The following DPP10 variants were observed in gnomAD, a reference collection of about 807,000 sequenced individuals.
DPP10 encodes dipeptidyl peptidase like 10, also known as inactive dipeptidyl peptidase 10.
Under a neutral mutation model 120.9 loss-of-function variants are expected in DPP10, and 33 were observed. The ratio of observed to expected loss-of-function variants is 0.27; its 90% confidence interval spans 0.21 to 0.37. The LOEUF (loss-of-function observed/expected upper bound fraction) is 0.37, where lower values mean the gene tolerates loss of function less well. Among genes scored for constraint, DPP10 ranks in the 10% least tolerant of loss-of-function variants. DPP10 has a pLI of 1.00. For synonymous variants in DPP10, 337 were observed against 326.1 expected (o/e 1.03, Z -0.36); for missense variants, 816 against 942.8 (o/e 0.87, Z 1.76).
intron 1 of DPP10, among the ~76,000 whole-genome samples, chr2:115,171,372 AAAG>A (rs1455709854): frequency 1.4e-5 from 2 of 144,642 alleles, no homozygotes; most frequent in Non-Finnish European, 3.0e-5. Context: ...AAAAAAAAAA[AAAG>A]AAAAGAAAAG....
intron 1 of DPP10, among the ~76,000 whole-genome samples, chr2:115,201,129 A>G (rs1463952458): frequency 2.6e-5 from 4 of 152,198 alleles, no homozygotes; most frequent in Non-Finnish European, 5.9e-5. Flanking sequence ...CTGAAAGCGT[A>G]TCTTTGGTCA....
intron 5 of DPP10, among the ~76,000 whole-genome samples, chr2:115,679,924 T>G (rs758614899): frequency 6.6e-6 from 1 of 151,994 alleles, no homozygotes; most frequent in African/African-American, 2.4e-5. Flanking sequence ...CCTAGAATTC[T>G]ATACTACCTC....
intron 3 of DPP10, among the ~76,000 whole-genome samples, chr2:115,389,278 AAC>A (rs3980953): frequency 5.8e-4 from 87 of 149,718 alleles, no homozygotes; most frequent in Middle Eastern, 3.5e-3. Context: ...CACACACACA[AAC>A]ACACACACAC....
At chr2:114,526,800 C>G (rs553401488) in intron 1 of DPP10, among the ~76,000 whole-genome samples, 117 of 152,194 alleles carry the variant, frequency 7.7e-4, no homozygotes, top group Admixed American at 3.9e-3. Context: ...CCCCAAAGCC[C>G]CCATCTCCTG....
Position 115,836,379 on chromosome 2 carries a change from T to C in DPP10, c.2050+123T>C, listed in dbSNP as rs151193917. The C allele has an allele frequency of 1.0e-5, 14 of 1,395,572 alleles. No homozygotes were observed. In the South Asian group the frequency reaches 1.6e-4, roughly 16 times the overall value. 86.4% of individuals were successfully genotyped at this position (1,395,572 alleles called of 1,614,324 possible). A position where few individuals can be genotyped will look rare whatever the true frequency, so the allele number is the denominator to read the frequency against. On this transcript the variant is annotated intron_variant, in intron 22 of 25. Transcript: ENST00000410059. ...TTATTAGAGCCTGTTTTCAGCTGTTTATCTCCTCCTTGATTCAGCTGATTT... is the reference window on the plus strand; with the variant it reads ...TTATTAGAGCCTGTTTTCAGCTGTTCATCTCCTCCTTGATTCAGCTGATTT...
At chr2:114,643,933 A>ATTTT (rs1220069237) in intron 1 of DPP10, among the ~76,000 whole-genome samples, 2 of 133,836 alleles carry the variant, frequency 1.5e-5, no homozygotes, top group Non-Finnish European at 1.6e-5. Flanking sequence ...ATATATATAT[A>ATTTT]TATTTTTTTT....
intron 5 of DPP10, among the ~76,000 whole-genome samples, chr2:115,685,939 T>G (rs929428725): frequency 6.6e-6 from 1 of 152,170 alleles, no homozygotes; most frequent in African/African-American, 2.4e-5. Flanking sequence ...CAAATTCAAC[T>G]ACATGCTAAA....
chr2:115,605,058 G>T (rs921067009), intron 5 of DPP10, among the ~76,000 whole-genome samples: 8 of 152,154 alleles, frequency 5.3e-5, no homozygotes, highest in Admixed American at 3.3e-4. Flanking sequence ...ATAGGTAGAT[G>T]ATAGTAAAGT....
rs114128854 is a variant in DPP10 at position 114,736,245 on chromosome 2, G to A, written c.60+293407G>A. Among the ~76,000 whole-genome samples, 450 of 151,910 alleles carry A rather than the reference G, an allele frequency of 3.0e-3. 3 individuals carry two copies. The highest frequency in any genetic ancestry group is 0.01 in the African/African-American group (423 of 41,456). On this transcript the variant is annotated intron_variant, in intron 1 of 25. Transcript: ENST00000410059. ...CTGCTTTCCTCTTCTTTAACTCTGT[G>A]CGTGCTCATGCCTCCTCCCAGATAT... is the stretch of plus-strand genomic sequence containing the variant.
chr2:114,801,001 C>T (rs991240211), intron 1 of DPP10, among the ~76,000 whole-genome samples: 8 of 151,556 alleles, frequency 5.3e-5, no homozygotes, highest in Non-Finnish European at 7.4e-5. Context: ...CGGTGGCTCA[C>T]GCCTGTAATC....
intron 1 of DPP10, among the ~76,000 whole-genome samples, chr2:115,104,698 A>T (rs1320700060): frequency 6.6e-6 from 1 of 152,126 alleles, no homozygotes; most frequent in Non-Finnish European, 1.5e-5. Flanking sequence ...ATCTTCTCTT[A>T]TGTTATGTAG....
At chr2:115,660,871 A>T (rs115812131) in intron 5 of DPP10, among the ~76,000 whole-genome samples, 1,625 of 152,132 alleles carry the variant, frequency 0.011, 34 homozygotes, top group African/African-American at 0.038. Context: ...GAGTTCTGGG[A>T]TAATTCTTAA....
chr2:114,642,970 TG>T (rs1272783133), intron 1 of DPP10, among the ~76,000 whole-genome samples: 1 of 151,904 alleles, frequency 6.6e-6, no homozygotes, highest in East Asian at 1.9e-4. Context: ...GACACCCACA[TG>T]GGGGTTATAT....
intron 5 of DPP10, among the ~76,000 whole-genome samples, chr2:115,577,637 CT>C (rs2149113521): frequency 6.6e-6 from 1 of 152,224 alleles, no homozygotes; most frequent in African/African-American, 2.4e-5. Flanking sequence ...GTTCTGGAAG[CT>C]GGAAGTTTAA....
chr2:115,704,732 G>A (rs1182913875), intron 7 of DPP10, among the ~76,000 whole-genome samples: 2 of 151,938 alleles, frequency 1.3e-5, no homozygotes, highest in African/African-American at 2.4e-5. Context: ...GGAGCTAGGT[G>A]TAGAGGCCAT....
chr2:115,128,817 A>G (rs140769357), intron 1 of DPP10, among the ~76,000 whole-genome samples: 10 of 152,334 alleles, frequency 6.6e-5, no homozygotes, highest in African/African-American at 2.2e-4. Context: ...ATTTCAAACC[A>G]GCTAGCAAAT....
At chr2:115,603,499 G>T (rs2083479745) in intron 5 of DPP10, among the ~76,000 whole-genome samples, 1 of 150,546 alleles carries the variant, frequency 6.6e-6, no homozygotes, top group African/African-American at 2.4e-5. Context: ...TGTAACGTTT[G>T]GGCATAACAG....
At chr2:114,954,545 G>C (rs1018182124) in intron 1 of DPP10, among the ~76,000 whole-genome samples, 1 of 151,528 alleles carries the variant, frequency 6.6e-6, no homozygotes, top group Non-Finnish European at 1.5e-5. Context: ...TACACCTCTA[G>C]GAACTGGAAA....
At chr2:115,620,057 G>T (rs1269489544) in intron 5 of DPP10, among the ~76,000 whole-genome samples, 1 of 152,112 alleles carries the variant, frequency 6.6e-6, no homozygotes, top group Non-Finnish European at 1.5e-5. Context: ...ATACTGATTG[G>T]CATTGCTCAC....
Sources: allele counts gnomAD v4.1 joint callset (sites outside exome capture counted in the v4.1 genomes callset), GRCh38; gene constraint gnomAD v4.1.1; transcripts MANE v1.5; gene names NCBI Gene and HGNC (gene_info 2026-07-23, HGNC 2026-07-21).